Variants in ETFA observed in about 807,000 individuals in gnomAD.
ETFA encodes electron transfer flavoprotein subunit alpha, mitochondrial.
In ETFA, 22 loss-of-function variants were observed where a neutral mutation model predicts 46.2. That is an observed-to-expected ratio of 0.48 (90% confidence interval 0.34 to 0.68). The LOEUF (loss-of-function observed/expected upper bound fraction) is 0.68, where lower values mean the gene tolerates loss of function less well. Ranked by LOEUF, ETFA falls within the 30% of genes least tolerant of loss-of-function variation. The pLI is 0.01. For missense variants in ETFA, 345 were observed against 401.1 expected, an observed-to-expected ratio of 0.86 and a Z score of 1.19; for synonymous variants, 131 against 139.9, an observed-to-expected ratio of 0.94 and a Z score of 0.45.
intron 1 of ETFA, among the ~76,000 whole-genome samples, 199 bp from the exon 2 acceptor site, chr15:76,295,936 C>CCTTTTTTTTTTTTTTTT (rs2039816100): frequency 5.8e-4 from 27 of 46,602 alleles, no homozygotes; most frequent in African/African-American, 1.7e-3. Context: ...CACTAATATT[C>CCTTTTTTTTTTTTTTTT]TTTTTTTTTT....
At chr15:76,251,697 TTTTTCCC>T (rs1465837702) in intron 9 of ETFA, among the ~76,000 whole-genome samples, 1 of 152,146 alleles carries the variant, frequency 6.6e-6, no homozygotes, top group African/African-American at 2.4e-5. Flanking sequence ...TCAACTCCAC[TTTTTCCC>T]ATATTATACA....
chr15:76,300,432 C>A (rs1486381978), intron 1 of ETFA, among the ~76,000 whole-genome samples: 1 of 152,122 alleles, frequency 6.6e-6, no homozygotes, highest in Non-Finnish European at 1.5e-5. Context: ...TCTAACCAAC[C>A]ACTCAAGTCA....
intron 9 of ETFA, 113 bp from the exon 10 acceptor site, chr15:76,231,511 A>G: frequency 1.5e-6 from 1 of 652,062 alleles, no homozygotes; most frequent in African/African-American, 1.8e-5. Context: ...AATAAAATAG[A>G]GGCAAAATGT....
chr15:76,278,577 T>C (rs2039619334), intron 8 of ETFA, among the ~76,000 whole-genome samples: 1 of 152,218 alleles, frequency 6.6e-6, no homozygotes, highest in South Asian at 2.1e-4. Flanking sequence ...GTGAAGTATA[T>C]TTTCCTCTAA....
chr15:76,281,382 C>G (rs947743486), intron 8 of ETFA, among the ~76,000 whole-genome samples: 15 of 152,114 alleles, frequency 9.9e-5, no homozygotes, highest in South Asian at 4.1e-4. Context: ...TCTCCACCCC[C>G]CATAACCCAT....
intron 9 of ETFA, among the ~76,000 whole-genome samples, chr15:76,251,595 A>C (rs2141483031): frequency 6.6e-6 from 1 of 152,332 alleles, no homozygotes; most frequent in East Asian, 1.9e-4. Flanking sequence ...TCAGGGCGCT[A>C]GTCATTCCGC....
intron 2 of ETFA, among the ~76,000 whole-genome samples, chr15:76,293,233 T>G (rs947621989): frequency 6.6e-6 from 1 of 152,210 alleles, no homozygotes; most frequent in African/African-American, 2.4e-5. Flanking sequence ...ACTGTCCAAC[T>G]ACCAAGCATT....
At chr15:76,260,069 C>G in intron 9 of ETFA, 1 of 1,501,294 alleles carries the variant, frequency 6.7e-7, no homozygotes, top group Non-Finnish European at 9.3e-7. Context: ...TTCATAGCCA[C>G]TTTCACAAAG....
intron 9 of ETFA, among the ~76,000 whole-genome samples, chr15:76,243,795 T>C (rs1468767536): frequency 6.8e-6 from 1 of 148,002 alleles, no homozygotes; most frequent in African/African-American, 2.5e-5. Flanking sequence ...CAAGACTCTG[T>C]CTCAAAAAAA....
intron 9 of ETFA, among the ~76,000 whole-genome samples, chr15:76,267,199 C>A (rs1299666175): frequency 6.6e-6 from 1 of 152,206 alleles, no homozygotes; most frequent in African/African-American, 2.4e-5. Flanking sequence ...CATTTGCCTA[C>A]AGGAGTTTAT....
At chr15:76,274,559 T>C in intron 8 of ETFA, 65 bp from the exon 9 acceptor site, 1 of 1,234,588 alleles carries the variant, frequency 8.1e-7, no homozygotes, top group Non-Finnish European at 1.2e-6. Flanking sequence ...GGATATTCAC[T>C]GATAACTGTA....
At chr15:76,286,136 T>C (rs2039702825) in intron 6 of ETFA, among the ~76,000 whole-genome samples, 1 of 152,238 alleles carries the variant, frequency 6.6e-6, no homozygotes, top group African/African-American at 2.4e-5. Flanking sequence ...TAATAGATCC[T>C]CTGTCTCCCA....
At chr15:76,244,015 T>C (rs1049152530) in intron 9 of ETFA, among the ~76,000 whole-genome samples, 6 of 151,984 alleles carry the variant, frequency 3.9e-5, no homozygotes, top group African/African-American at 1.4e-4. Flanking sequence ...GCCTCCCAAG[T>C]AGCTGGGATT....
At chr15:76,287,808 T>A (rs767160965) in intron 5 of ETFA, 38 bp downstream of exon 5, 1 of 1,349,288 alleles carries the variant, frequency 7.4e-7, no homozygotes, top group Non-Finnish European at 1.1e-6. Context: ...TTCACTAAAA[T>A]TTAACATGTT....
chr15:76,217,963 G>A (rs12916022), intron 11 of ETFA, among the ~76,000 whole-genome samples: 62,115 of 152,136 alleles, frequency 0.41, 15,180 homozygotes, highest in Middle Eastern at 0.56. Context: ...CATGGAGCCA[G>A]CAGGCATTTG....
intron 9 of ETFA, among the ~76,000 whole-genome samples, chr15:76,232,992 A>C (rs898935952): frequency 1.3e-5 from 2 of 152,232 alleles, no homozygotes; most frequent in Non-Finnish European, 2.9e-5. Context: ...CTAGTCCCCA[A>C]AGTGAGTTAA....
intron 1 of ETFA, among the ~76,000 whole-genome samples, 196 bp from the exon 2 acceptor site, chr15:76,295,933 A>ATTTTTTTTTTTTTTTTTTTTTTTT (rs1555459250): frequency 8.5e-5 from 5 of 58,502 alleles, no homozygotes; most frequent in Non-Finnish European, 1.2e-4. Context: ...TACCACTAAT[A>ATTTTTTTTTTTTTTTTTTTTTTTT]TTCTTTTTTT....
At chr15:76,311,308 CG>C (rs1185660092) in intron 1 of ETFA, 41 bp downstream of exon 1, 2 of 1,548,584 alleles carry the variant, frequency 1.3e-6, no homozygotes, top group Non-Finnish European at 8.7e-7. Flanking sequence ...GGCGGGTTGA[CG>C]GGGGGCCGTC....
In ETFA at chr15:76,231,335, T is replaced by G; in HGVS notation, c.880A>C (p.Lys294Gln). ...IQHLAGMKDS[K>Q]TIVAINKDPE... ...TAACATCACTGATGTACAATTACCT[T>G]GCTGTCTTTCATCCCAGCTAAATGT... The change falls in exon 10 of 12, where the codon AAG becomes CAG. Residue 294 changes from lysine to glutamine, a missense_variant and splice_region_variant. Coordinates refer to ENST00000557943, the MANE Select transcript of ETFA (RefSeq NM_000126.4). 6.3e-7 allele frequency: 1 copy of G among 1,591,204 alleles called. No individual in the cohort carries two copies. Among genetic ancestry groups the G allele is most frequent in the South Asian group, 1.1e-5 (1 of 90,592 alleles).
Sources: allele counts gnomAD v4.1 joint callset (sites outside exome capture counted in the v4.1 genomes callset), GRCh38; gene constraint gnomAD v4.1.1; transcripts MANE v1.5; gene names NCBI Gene and HGNC (gene_info 2026-07-23, HGNC 2026-07-21).